The following GRIK2 variants were observed in gnomAD, a reference collection of about 807,000 sequenced individuals.
GRIK2 encodes glutamate receptor ionotropic, kainate 2.
Under a neutral mutation model 100.3 loss-of-function variants are expected in GRIK2, and 32 were observed. The ratio of observed to expected loss-of-function variants is 0.32; its 90% CI spans 0.24 to 0.43. The LOEUF (loss-of-function observed/expected upper bound fraction) is 0.43, where lower values mean the gene tolerates loss of function less well. Among genes scored for constraint, GRIK2 ranks in the 20% least tolerant of loss-of-function variants. The pLI is 1.00. For synonymous variants in GRIK2, 417 were observed against 389.4 expected (o/e 1.07, Z -0.83); for missense variants, 843 against 1,114.9 (o/e 0.76, Z 3.47).
At chr6:101,663,202 C>G (rs1415046352) in intron 4 of GRIK2, among the ~76,000 whole-genome samples, 1 of 152,096 alleles carries the variant, frequency 6.6e-6, no homozygotes, top group Non-Finnish European at 1.5e-5. Context: ...ACAGCAGCAT[C>G]CTGGGACATA....
intron 14 of GRIK2, among the ~76,000 whole-genome samples, chr6:101,957,807 T>C (rs1304634): frequency 0.48 from 73,287 of 151,944 alleles, 17,795 homozygotes; most frequent in African/African-American, 0.53. Context: ...GTGTATACTT[T>C]TGTCAATTTT....
chr6:101,427,714 T>C (rs1769116178), intron 2 of GRIK2, among the ~76,000 whole-genome samples: 1 of 152,182 alleles, frequency 6.6e-6, no homozygotes, highest in Non-Finnish European at 1.5e-5. Context: ...AAATTTTGGG[T>C]AGAATTAAAT....
At chr6:101,989,864 A>G (rs1021236399) in intron 14 of GRIK2, among the ~76,000 whole-genome samples, 25 of 151,468 alleles carry the variant, frequency 1.7e-4, no homozygotes, top group Admixed American at 8.6e-4. Context: ...TTATATATAT[A>G]TATAATTTTT....
At chr6:101,667,530 A>G (rs1018575741) in intron 4 of GRIK2, among the ~76,000 whole-genome samples, 2 of 152,154 alleles carry the variant, frequency 1.3e-5, no homozygotes, top group African/African-American at 4.8e-5. Context: ...GTTGCAACTG[A>G]CTATAAATTT....
chr6:101,929,708 T>A (rs1303406821), intron 14 of GRIK2, among the ~76,000 whole-genome samples: 1 of 152,150 alleles, frequency 6.6e-6, no homozygotes, highest in Non-Finnish European at 1.5e-5. Flanking sequence ...GTAAAAATTT[T>A]TATAAAATTA....
chr6:101,810,089 A>G (rs1223086717), intron 9 of GRIK2, among the ~76,000 whole-genome samples: 1 of 151,614 alleles, frequency 6.6e-6, no homozygotes, highest in Non-Finnish European at 1.5e-5. Flanking sequence ...ATATATATGT[A>G]TAAATTACAA....
At chr6:101,860,380 T>C (rs537675103) in intron 11 of GRIK2, among the ~76,000 whole-genome samples, 2 of 152,192 alleles carry the variant, frequency 1.3e-5, no homozygotes, top group African/African-American at 4.8e-5. Flanking sequence ...AATATATATA[T>C]TATATTTTCC....
At chr6:101,695,104 T>G (rs1772386201) in intron 7 of GRIK2, among the ~76,000 whole-genome samples, 2 of 152,064 alleles carry the variant, frequency 1.3e-5, no homozygotes, top group Non-Finnish European at 1.5e-5. Context: ...TACCTAAGAC[T>G]AGATAATTAA....
chr6:101,559,190 C>T (rs1044838260), intron 2 of GRIK2, among the ~76,000 whole-genome samples: 2 of 151,986 alleles, frequency 1.3e-5, no homozygotes, highest in Non-Finnish European at 2.9e-5. Flanking sequence ...CTACCTGCAG[C>T]CTCTTCTCCA....
chr6:101,523,428 G>A (rs1774983673), intron 2 of GRIK2, among the ~76,000 whole-genome samples: 1 of 152,142 alleles, frequency 6.6e-6, no homozygotes, highest in Non-Finnish European at 1.5e-5. Flanking sequence ...GAAGGAAGAA[G>A]TAGAAGTACA....
intron 4 of GRIK2, among the ~76,000 whole-genome samples, chr6:101,629,442 C>T (rs1780609368): frequency 6.6e-6 from 1 of 152,032 alleles, no homozygotes; most frequent in South Asian, 2.1e-4. Context: ...GAATTATATG[C>T]CACTAAAGGA....
chr6:101,652,182 C>T (rs1463788590), intron 4 of GRIK2, among the ~76,000 whole-genome samples: 1 of 152,010 alleles, frequency 6.6e-6, no homozygotes, highest in Non-Finnish European at 1.5e-5. Flanking sequence ...TTTGTGTTCC[C>T]CCTAAATTCA....
At chr6:101,980,562 G>GTAT (rs1274320058) in intron 14 of GRIK2, among the ~76,000 whole-genome samples, 1 of 151,784 alleles carries the variant, frequency 6.6e-6, no homozygotes, top group Non-Finnish European at 1.5e-5. Flanking sequence ...TAAGTCAGTA[G>GTAT]TATTTCCTAT....
chr6:101,984,619 A>ACACACACACACACACACT (rs1433929766), intron 14 of GRIK2, among the ~76,000 whole-genome samples: 11 of 141,222 alleles, frequency 7.8e-5, no homozygotes, highest in Admixed American at 6.3e-4. Flanking sequence ...ATTAAAACAC[A>ACACACACACACACACACT]CACACACACA....
At chr6:101,770,856 A>G (rs1325060) in intron 7 of GRIK2, among the ~76,000 whole-genome samples, 45,569 of 152,044 alleles carry the variant, frequency 0.3, 10,465 homozygotes, top group East Asian at 0.68. Flanking sequence ...ACCAACTCAC[A>G]TATTCCATTT....
intron 12 of GRIK2, among the ~76,000 whole-genome samples, chr6:101,902,277 G>C (rs74451343): frequency 0.087 from 13,212 of 151,958 alleles, 793 homozygotes; most frequent in Middle Eastern, 0.2. Flanking sequence ...ATGTTCAAGA[G>C]AAGGGAAAAA....
At chr6:101,616,301 T>C (rs1582831189) in intron 2 of GRIK2, among the ~76,000 whole-genome samples, 1 of 151,982 alleles carries the variant, frequency 6.6e-6, no homozygotes, top group East Asian at 1.9e-4. Context: ...TTCATTTTTT[T>C]AAATAACAAG....
At chr6:101,933,041 G>A (rs978749236) in intron 14 of GRIK2, among the ~76,000 whole-genome samples, 3 of 152,008 alleles carry the variant, frequency 2.0e-5, no homozygotes, top group East Asian at 1.9e-4. Context: ...AGACTGAATC[G>A]TTGCTACTTT....
chr6:101,866,883 T>G (rs1331346880), intron 11 of GRIK2, among the ~76,000 whole-genome samples: 2 of 151,508 alleles, frequency 1.3e-5, no homozygotes, highest in Non-Finnish European at 2.9e-5. Context: ...CAGCTAAGAC[T>G]TTATCTCTTA....
Sources: gnomAD v4.1 joint callset for allele counts (sites outside exome capture counted in the v4.1 genomes callset) on GRCh38, gnomAD v4.1.1 for gene constraint, MANE v1.5 for transcripts, NCBI Gene and HGNC (gene_info 2026-07-23, HGNC 2026-07-21) for gene names.